Variants in MACROD2 observed in about 807,000 individuals in gnomAD.
The protein encoded by MACROD2 is ADP-ribose glycohydrolase MACROD2.
MACROD2 carries 36 observed loss-of-function variants against 70.4 expected under a neutral mutation model. That is an observed-to-expected ratio of 0.51 (90% confidence interval 0.39 to 0.68). The LOEUF is 0.68. Ranked by LOEUF, MACROD2 falls within the 30% of genes least tolerant of loss-of-function variation. The pLI is 0.00. For missense variants in MACROD2, 496 were observed against 538.4 expected (o/e 0.92, Z 0.78); for synonymous variants, 172 against 178.8 (o/e 0.96, Z 0.30).
At chr20:15,160,527 C>T (rs1432069904) in intron 5 of MACROD2, among the ~76,000 whole-genome samples, 5 of 152,076 alleles carry the variant, frequency 3.3e-5, no homozygotes, top group African/African-American at 1.2e-4. Flanking sequence ...TAGTGTCACA[C>T]CTATGAATCA....
intron 5 of MACROD2, among the ~76,000 whole-genome samples, chr20:14,778,870 C>A (rs1236727755): frequency 6.6e-6 from 1 of 152,056 alleles, no homozygotes; most frequent in Non-Finnish European, 1.5e-5. Context: ...CCAAACACCT[C>A]ATTTAATGAG....
chr20:15,612,212 G>A (rs1318665393), intron 8 of MACROD2, among the ~76,000 whole-genome samples: 1 of 152,168 alleles, frequency 6.6e-6, no homozygotes, highest in African/African-American at 2.4e-5. Context: ...GCTATAGCAT[G>A]AGCCATGCCG....
chr20:14,527,476 C>T (rs889064293), intron 4 of MACROD2, among the ~76,000 whole-genome samples: 12 of 143,524 alleles, frequency 8.4e-5, no homozygotes, highest in African/African-American at 3.1e-4. Flanking sequence ...TCCCATATCA[C>T]TTACAACCAA....
At chr20:15,039,214 T>C (rs967313637) in intron 5 of MACROD2, among the ~76,000 whole-genome samples, 1 of 152,134 alleles carries the variant, frequency 6.6e-6, no homozygotes, top group African/African-American at 2.4e-5. Flanking sequence ...AAAAAGGGTA[T>C]AATTTGATGT....
At chr20:15,962,402 T>C (rs1203278547) in intron 12 of MACROD2, among the ~76,000 whole-genome samples, 1 of 152,224 alleles carries the variant, frequency 6.6e-6, no homozygotes, top group East Asian at 1.9e-4. Context: ...CCTAGAGTTA[T>C]GAAGCTTGTA....
intron 7 of MACROD2, among the ~76,000 whole-genome samples, chr20:15,491,505 C>T (rs1397277637): frequency 6.6e-6 from 1 of 152,048 alleles, no homozygotes; most frequent in East Asian, 1.9e-4. Context: ...GAAAGAGAGA[C>T]AAAGAAAGGA....
At chr20:14,873,743 C>T (rs2122434898) in intron 5 of MACROD2, among the ~76,000 whole-genome samples, 1 of 152,136 alleles carries the variant, frequency 6.6e-6, no homozygotes, top group South Asian at 2.1e-4. Flanking sequence ...TCTCTAATCC[C>T]AGCTACTCAG....
chr20:15,737,923 T>C lies in MACROD2; in HGVS notation c.646-124822T>C, dbSNP rs1046918312. ...GATGATGGATGGATGGGTGGATGAATGGCGGATGGATGGATGAACAAACAA... is the reference window on the plus strand; with the variant it reads ...GATGATGGATGGATGGGTGGATGAACGGCGGATGGATGGATGAACAAACAA... On this transcript the variant is annotated intron_variant, in intron 8 of 17. Transcript: ENST00000684519. 3.3e-5 allele frequency among the ~76,000 whole-genome samples: 5 copies of C among 152,028 alleles called. 1 individual carries two copies. In the East Asian group the frequency reaches 5.8e-4, roughly 18 times the overall value.
intron 3 of MACROD2, among the ~76,000 whole-genome samples, chr20:14,463,096 A>G (rs982843433): frequency 4.6e-5 from 7 of 151,980 alleles, no homozygotes; most frequent in African/African-American, 1.7e-4. Flanking sequence ...CTTGATGGGG[A>G]TGGCATTGAA....
chr20:14,409,903 G>A (rs1334946980), intron 3 of MACROD2, among the ~76,000 whole-genome samples: 2 of 152,164 alleles, frequency 1.3e-5, no homozygotes, highest in African/African-American at 4.8e-5. Flanking sequence ...GTATAGCAGA[G>A]CTGTAGCTCT....
intron 5 of MACROD2, among the ~76,000 whole-genome samples, chr20:15,018,272 G>A (rs575334234): frequency 6.0e-4 from 91 of 152,218 alleles, no homozygotes; most frequent in Admixed American, 1.7e-3. Flanking sequence ...GCAAAATGCC[G>A]CCAGACTCTT....
At chr20:15,495,664 C>T (rs1409955272) in intron 7 of MACROD2, among the ~76,000 whole-genome samples, 49 of 152,172 alleles carry the variant, frequency 3.2e-4, no homozygotes, top group Admixed American at 3.1e-3. Context: ...TATGTGCCAG[C>T]AATGTTTTAG....
Position 14,688,146 on chromosome 20 carries a change from A to G in MACROD2, c.418+3187A>G, listed in dbSNP as rs140782557. On this transcript the variant is annotated intron_variant, in intron 5 of 17. Coordinates refer to ENST00000684519, the MANE Select transcript of MACROD2 (RefSeq NM_001351661.2). ...TTTCCTCTCCATATTTAATAATTCC[A>G]TGACAGTTTGACAGCAGAGACTAGT... 1.4e-3 allele frequency among the ~76,000 whole-genome samples: 206 copies of G among 152,272 alleles called. 1 individual carries two copies. The highest frequency in any genetic ancestry group is 4.5e-3 in the African/African-American group (185 of 41,556).
chr20:14,559,741 A>G lies in MACROD2; in HGVS notation c.301+66233A>G, dbSNP rs73612368. 3.8e-4 allele frequency among the ~76,000 whole-genome samples: 58 copies of G among 151,990 alleles called. 1 individual carries two copies. In the East Asian group the frequency reaches 8.0e-3, roughly 21 times the overall value. The stretch of plus-strand genomic sequence containing the variant: ...TAGGGCTGACCTCCAAATTTTTACA[A>G]TAGACTCTCCATTCTATAAGTTGAC... On this transcript the variant is annotated intron_variant, in intron 4 of 17. Transcript: ENST00000684519.
At chr20:15,510,271 GGGA>G (rs2047480758) in intron 8 of MACROD2, among the ~76,000 whole-genome samples, 1 of 152,160 alleles carries the variant, frequency 6.6e-6, no homozygotes. Flanking sequence ...AAACAACACT[GGGA>G]GGTCCTACTG....
chr20:15,782,157 A>G (rs892062400), intron 8 of MACROD2, among the ~76,000 whole-genome samples: 2 of 152,142 alleles, frequency 1.3e-5, no homozygotes, highest in African/African-American at 4.8e-5. Context: ...CAACGGTGTT[A>G]GAGATGAAGA....
chr20:15,356,762 C>T (rs2078291987), intron 6 of MACROD2, among the ~76,000 whole-genome samples: 1 of 151,902 alleles, frequency 6.6e-6, no homozygotes, highest in East Asian at 1.9e-4. Context: ...CCAACCTGGG[C>T]CAAAAAGCGA....
chr20:15,031,536 C>G (rs904384024), intron 5 of MACROD2, among the ~76,000 whole-genome samples: 1 of 152,134 alleles, frequency 6.6e-6, no homozygotes. Context: ...TCAGGCAGGT[C>G]GTCCTGATAA....
chr20:15,304,114 C>A (rs1403087128), intron 6 of MACROD2, among the ~76,000 whole-genome samples: 1 of 151,892 alleles, frequency 6.6e-6, no homozygotes, highest in African/African-American at 2.4e-5. Flanking sequence ...TCTGTGTTTC[C>A]CAATCTATTT....
Sources: allele counts gnomAD v4.1 joint callset (sites outside exome capture counted in the v4.1 genomes callset), GRCh38; gene constraint gnomAD v4.1.1; transcripts MANE v1.5; gene names NCBI Gene and HGNC (gene_info 2026-07-23, HGNC 2026-07-21).